Variants in WDFY4 observed in about 807,000 individuals in gnomAD.
WDFY4 encodes the protein WD repeat- and FYVE domain-containing protein 4.
Under a neutral mutation model 351.9 loss-of-function variants are expected in WDFY4, and 169 were observed. That is an observed-to-expected ratio of 0.48 (90% CI 0.42 to 0.55). The LOEUF (loss-of-function observed/expected upper bound fraction) is 0.55. WDFY4 is among the 20% of genes least tolerant of loss of function. WDFY4 has a pLI of 0.00. For missense variants in WDFY4, 3,803 were observed against 3,935.6 expected (o/e 0.97, Z 0.90); for synonymous variants, 1,622 against 1,574.6 (o/e 1.03, Z -0.71).
At chr10:48,698,491 G>A (rs2063391982) in intron 1 of WDFY4, among the ~76,000 whole-genome samples, 1 of 152,154 alleles carries the variant, frequency 6.6e-6, no homozygotes, top group South Asian at 2.1e-4. Flanking sequence ...GAACAGTGAG[G>A]GGCAAGAGGC....
intron 8 of WDFY4, among the ~76,000 whole-genome samples, chr10:48,730,394 G>T (rs2064419215): frequency 6.6e-6 from 1 of 152,194 alleles, no homozygotes; most frequent in Admixed American, 6.5e-5. Context: ...TTAGGGGAGT[G>T]CCTGAATCAG....
At chr10:48,747,408 A>G (rs1420647701) in intron 12 of WDFY4, among the ~76,000 whole-genome samples, 2 of 152,188 alleles carry the variant, frequency 1.3e-5, no homozygotes, top group Non-Finnish European at 2.9e-5. Context: ...TTTATAAAAT[A>G]TGGATTTTTA....
Position 48,790,825 on chromosome 10 carries a change from C to G in WDFY4, c.4165C>G (p.His1389Asp). The G allele has an allele frequency of 6.4e-7, 1 of 1,551,796 alleles. No homozygotes were observed. The highest frequency in any genetic ancestry group is 8.7e-7 in the Non-Finnish European group (1 of 1,147,026). ...CCTCATCTCCTTAGCGACAGATGAC[C>G]ATACCATGTATGCGGCTGTGAAAGT... ...LGLISLATDD[H>D]TMYAAVKVLH... is the part of the protein sequence containing the mutation. The change falls in exon 23 of 62, where the codon CAT (histidine) becomes GAT (aspartate). Residue 1389 changes from histidine (H) to aspartate (D), a missense_variant. Around this residue, in one of 3 missense-constraint regions of WDFY4, gnomAD observed 3,054 missense variants for 3,148.6 expected, o/e 0.97. Transcript: ENST00000325239.
chr10:48,810,231 G>C (rs2067401930), intron 28 of WDFY4, among the ~76,000 whole-genome samples: 1 of 152,170 alleles, frequency 6.6e-6, no homozygotes, highest in South Asian at 2.1e-4. Flanking sequence ...ATGAATAGTA[G>C]TTATATAGGG....
intron 14 of WDFY4, among the ~76,000 whole-genome samples, 181 bp downstream of exon 14, chr10:48,774,853 C>T (rs951880800): frequency 1.3e-5 from 2 of 152,172 alleles, no homozygotes; most frequent in East Asian, 1.9e-4. Flanking sequence ...TGTGCAGGTG[C>T]CCACAAAGCA....
chr10:48,962,096 G>A (rs1374956223), intron 53 of WDFY4, among the ~76,000 whole-genome samples: 4 of 152,208 alleles, frequency 2.6e-5, no homozygotes, highest in Non-Finnish European at 5.9e-5. Flanking sequence ...CAGCAGAAGG[G>A]TCAGCTGTCC....
chr10:48,786,020 CT>C (rs2066393671), intron 19 of WDFY4, among the ~76,000 whole-genome samples: 1 of 152,184 alleles, frequency 6.6e-6, no homozygotes, highest in South Asian at 2.1e-4. Context: ...TCGTCTTGGA[CT>C]TTTTCCATCA....
At chr10:48,807,706 T>C in intron 27 of WDFY4, 153 bp from the exon 28 acceptor site, 1 of 683,228 alleles carries the variant, frequency 1.5e-6, no homozygotes, top group South Asian at 1.9e-5. Flanking sequence ...TTAAGCATTG[T>C]GTGGAGGCTG....
chr10:48,894,392 G>A (rs1280463141), intron 44 of WDFY4, among the ~76,000 whole-genome samples: 2 of 152,202 alleles, frequency 1.3e-5, no homozygotes, highest in Non-Finnish European at 2.9e-5. Context: ...TATTGAAAGA[G>A]CATGGGTGTT....
At chr10:48,966,833 C>CA in intron 55 of WDFY4, 160 bp downstream of exon 55, 1 of 1,027,560 alleles carries the variant, frequency 9.7e-7, no homozygotes, top group Non-Finnish European at 1.4e-6. Context: ...AGGGGGGTGT[C>CA]ATCTCTGGGA....
intron 1 of WDFY4, among the ~76,000 whole-genome samples, chr10:48,706,734 G>A (rs765196337): frequency 6.6e-6 from 1 of 152,134 alleles, no homozygotes; most frequent in Non-Finnish European, 1.5e-5. Flanking sequence ...TTCAGGAATG[G>A]ATTAGGATTT....
chr10:48,943,935 G>T (rs1180438159), intron 49 of WDFY4, among the ~76,000 whole-genome samples: 1 of 152,144 alleles, frequency 6.6e-6, no homozygotes, highest in Admixed American at 6.5e-5. Context: ...GTATTTGGCT[G>T]CCTGGGTTCC....
At chr10:48,891,113 C>A (rs2070678756) in intron 44 of WDFY4, among the ~76,000 whole-genome samples, 1 of 152,224 alleles carries the variant, frequency 6.6e-6, no homozygotes, top group Non-Finnish European at 1.5e-5. Context: ...TTAATGCAAT[C>A]GGCAGCATGC....
chr10:48,940,430 G>T (rs1840692206), intron 47 of WDFY4, among the ~76,000 whole-genome samples: 1 of 152,222 alleles, frequency 6.6e-6, no homozygotes, highest in Admixed American at 6.5e-5. Context: ...AGAATTGAAT[G>T]CAGAGGGATG....
chr10:48,711,208 C>A (rs916620918), intron 2 of WDFY4, among the ~76,000 whole-genome samples: 2 of 152,194 alleles, frequency 1.3e-5, no homozygotes, highest in African/African-American at 4.8e-5. Context: ...GCATTCCATA[C>A]TTAGCATTAA....
At chr10:48,904,865 A>G (rs556523655) in intron 47 of WDFY4, among the ~76,000 whole-genome samples, 11 of 152,170 alleles carry the variant, frequency 7.2e-5, no homozygotes, top group Admixed American at 3.3e-4. Flanking sequence ...AATTGAGGGG[A>G]GTATGGTTCC....
chr10:48,875,221 T>C, intron 42 of WDFY4, 81 bp downstream of exon 42: 4 of 827,490 alleles, frequency 4.8e-6, no homozygotes, highest in Non-Finnish European at 6.6e-6. Flanking sequence ...GATATTAAAT[T>C]AATATTTTAG....
chr10:48,848,012 T>C (rs1365815445), intron 39 of WDFY4, among the ~76,000 whole-genome samples: 1 of 152,166 alleles, frequency 6.6e-6, no homozygotes, highest in Admixed American at 6.5e-5. Flanking sequence ...TGACATTTGT[T>C]AAGGATCCAG....
At chr10:48,970,609 A>G (rs1842296632) in intron 57 of WDFY4, among the ~76,000 whole-genome samples, 1 of 152,218 alleles carries the variant, frequency 6.6e-6, no homozygotes, top group South Asian at 2.1e-4. Context: ...TGCACATGAC[A>G]GGTCTGGTGA....
Sources: allele counts gnomAD v4.1 joint callset (sites outside exome capture counted in the v4.1 genomes callset), GRCh38; gene constraint gnomAD v4.1.1; regional missense constraint gnomAD v4.1.1; transcripts MANE v1.5; gene names NCBI Gene and HGNC (gene_info 2026-07-23, HGNC 2026-07-21).